TRAPPC9: variants seen among roughly 807,000 people sequenced by gnomAD.
The protein encoded by TRAPPC9 is IKK2 binding protein.
Under a neutral mutation model 124.0 loss-of-function variants are expected in TRAPPC9, and 83 were observed. The ratio of observed to expected loss-of-function variants is 0.67; its 90% CI spans 0.56 to 0.80. The LOEUF (loss-of-function observed/expected upper bound fraction) is 0.80, where lower values mean the gene tolerates loss of function less well. TRAPPC9 is among the 30% of genes least tolerant of loss of function. The pLI is 0.00. For synonymous variants in TRAPPC9, 638 were observed against 617.5 expected (o/e 1.03, Z -0.49); for missense variants, 1,302 against 1,508.3 (o/e 0.86, Z 2.27).
chr8:140,164,590 T>C (rs2061802030), intron 17 of TRAPPC9, among the ~76,000 whole-genome samples: 1 of 152,214 alleles, frequency 6.6e-6, no homozygotes, highest in African/African-American at 2.4e-5. Flanking sequence ...TCTGTGGCTG[T>C]CTTCTCCCCT....
Position 139,732,191 on chromosome 8 carries a change from C to A in TRAPPC9, c.3067G>T (p.Asp1023Tyr). ...LAPLQWDVLVDGQPCDREAVA... is the reference protein window; with the variant it reads ...LAPLQWDVLVYGQPCDREAVA... Reference sequence around the variant, plus strand: ...GCCTCGCGGTCACATGGCTGTCCGTCCACCAGCACATCTGTAAGGGACACG... The same window carrying A: ...GCCTCGCGGTCACATGGCTGTCCGTACACCAGCACATCTGTAAGGGACACG... The change falls in exon 22 of 23, where the codon GAC (aspartate) becomes TAC (tyrosine). Residue 1023 changes from aspartate (D) to tyrosine (Y), a missense_variant. By Grantham distance (160) the Asp-to-Tyr change is radical. Around this residue, in one of 3 missense-constraint regions of TRAPPC9, gnomAD observed 640 missense variants for 679.3 expected, o/e 0.94. Coordinates refer to ENST00000438773, the MANE Select transcript of TRAPPC9 (RefSeq NM_001160372.4). The A allele has an allele frequency of 6.3e-7, 1 of 1,591,386 alleles. No homozygotes were observed. The highest frequency in any genetic ancestry group is 8.5e-7 in the Non-Finnish European group (1 of 1,174,690).
At chr8:140,243,620 T>C (rs2063914168) in intron 16 of TRAPPC9, among the ~76,000 whole-genome samples, 1 of 152,120 alleles carries the variant, frequency 6.6e-6, no homozygotes, top group Non-Finnish European at 1.5e-5. Flanking sequence ...CTTCTCAAGA[T>C]ACAAAAGCAG....
chr8:140,458,330 G>C (rs2071777985), upstream of TRAPPC9: 2 of 1,579,744 alleles, frequency 1.3e-6, no homozygotes, highest in African/African-American at 2.7e-5. Context: ...GTGAAGCTCA[G>C]GGGTGGAGGC....
intron 8 of TRAPPC9, among the ~76,000 whole-genome samples, chr8:140,361,152 A>G (rs556494572): frequency 6.6e-6 from 1 of 152,392 alleles, no homozygotes; most frequent in East Asian, 1.9e-4. Flanking sequence ...ATAAATGCAC[A>G]TTCAAACTCT....
chr8:140,252,150 T>C lies in TRAPPC9; in HGVS notation c.2431+627A>G, dbSNP rs1563883791. The stretch of plus-strand genomic sequence containing the variant: ...AGCGATTCTCCTGCCCTCAGCCTCC[T>C]GAGTAGCTGGGATTACAGGCATGCG... On this transcript the variant is annotated intron_variant, in intron 16 of 22. Coordinates refer to ENST00000438773, the MANE Select transcript of TRAPPC9 (RefSeq NM_001160372.4). This position sits in a 1 kb window ranked among gnomAD's most constrained non-coding sequence, Gnocchi z 4.2. 6.6e-6 allele frequency among the ~76,000 whole-genome samples: 1 copy of C among 151,938 alleles called. No homozygotes were observed. Among genetic ancestry groups the C allele is most frequent in the Non-Finnish European group, 1.5e-5 (1 of 67,974 alleles).
intron 8 of TRAPPC9, among the ~76,000 whole-genome samples, chr8:140,363,784 G>C (rs892137716): frequency 2.0e-4 from 30 of 152,138 alleles, no homozygotes; most frequent in African/African-American, 7.0e-4. Flanking sequence ...TTTTAGTAGA[G>C]ACGGGGTTTC....
chr8:140,355,696 G>T (rs888495548), intron 9 of TRAPPC9, among the ~76,000 whole-genome samples: 1 of 152,230 alleles, frequency 6.6e-6, no homozygotes, highest in Non-Finnish European at 1.5e-5. Flanking sequence ...TCGTGACCAT[G>T]TGAGGGAGAC....
intron 16 of TRAPPC9, among the ~76,000 whole-genome samples, chr8:140,250,669 A>C (rs2064112290): frequency 6.6e-6 from 1 of 152,082 alleles, no homozygotes; most frequent in Non-Finnish European, 1.5e-5. Context: ...ATAAAACTTG[A>C]CCTGGTTTCC....
chr8:140,013,573 G>A (rs1047582337), intron 18 of TRAPPC9, among the ~76,000 whole-genome samples: 2 of 152,176 alleles, frequency 1.3e-5, no homozygotes, highest in Non-Finnish European at 2.9e-5. Flanking sequence ...GCTGACCATA[G>A]GTGAAAGGGA....
At chr8:140,116,180 A>AT (rs1251775200) in intron 17 of TRAPPC9, among the ~76,000 whole-genome samples, 1 of 152,028 alleles carries the variant, frequency 6.6e-6, no homozygotes, top group African/African-American at 2.4e-5. Flanking sequence ...AAGGGGGTAA[A>AT]TTTTTTATTC....
intron 9 of TRAPPC9, among the ~76,000 whole-genome samples, chr8:140,314,194 G>A (rs781468250): frequency 1.3e-5 from 2 of 152,134 alleles, no homozygotes; most frequent in Non-Finnish European, 2.9e-5. Context: ...TTTACTGAGT[G>A]GAAAACTATT....
upstream of TRAPPC9, among the ~76,000 whole-genome samples, chr8:140,457,924 G>A (rs530544569): frequency 4.9e-5 from 7 of 142,434 alleles, no homozygotes; most frequent in Non-Finnish European, 1.1e-4. Flanking sequence ...GGAGGGAGGA[G>A]GAGGAGGGAG....
intron 21 of TRAPPC9, among the ~76,000 whole-genome samples, chr8:139,851,727 T>C (rs1827478914): frequency 6.6e-6 from 1 of 152,316 alleles, no homozygotes; most frequent in Middle Eastern, 3.4e-3. Context: ...CATTTGATGA[T>C]CTTTGGAACA....
At chr8:139,928,133 A>G (rs1252795673) in intron 19 of TRAPPC9, among the ~76,000 whole-genome samples, 3 of 152,202 alleles carry the variant, frequency 2.0e-5, no homozygotes, top group South Asian at 4.1e-4. Flanking sequence ...GCCCTGTGAA[A>G]TATCTCCCCA....
intron 20 of TRAPPC9, among the ~76,000 whole-genome samples, chr8:139,902,828 G>A (rs535950264): frequency 2.0e-5 from 3 of 152,294 alleles, no homozygotes; most frequent in African/African-American, 7.2e-5. Flanking sequence ...TCAGCGGAAG[G>A]CAACTCCTCC....
intron 17 of TRAPPC9, among the ~76,000 whole-genome samples, chr8:140,214,422 A>C (rs1477696872): frequency 1.3e-5 from 2 of 152,212 alleles, no homozygotes; most frequent in Admixed American, 6.5e-5. Context: ...TGCCTAGTCC[A>C]GAGCTGCTCT....
intron 11 of TRAPPC9, among the ~76,000 whole-genome samples, chr8:140,296,985 G>A (rs113498661): frequency 6.6e-6 from 1 of 152,384 alleles, no homozygotes; most frequent in South Asian, 2.1e-4. Context: ...GGAGCCCTGA[G>A]GGTGGCCTGC....
At chr8:140,146,428 A>G (rs1303697114) in intron 17 of TRAPPC9, among the ~76,000 whole-genome samples, 1 of 152,116 alleles carries the variant, frequency 6.6e-6, no homozygotes, top group Non-Finnish European at 1.5e-5. Flanking sequence ...CCCACACTCA[A>G]CCTTGAGGAG....
chr8:140,302,495 G>A (rs780823760), intron 10 of TRAPPC9, among the ~76,000 whole-genome samples: 31 of 152,332 alleles, frequency 2.0e-4, no homozygotes, highest in Non-Finnish European at 3.2e-4. Context: ...CAAAGCAGAA[G>A]TCCAGGGATA....
Sources: allele counts gnomAD v4.1 joint callset (sites outside exome capture counted in the v4.1 genomes callset), GRCh38; gene constraint gnomAD v4.1.1; regional missense constraint gnomAD v4.1.1; non-coding constraint Gnocchi (gnomAD v3.1); transcripts MANE v1.5; gene names NCBI Gene and HGNC (gene_info 2026-07-23, HGNC 2026-07-21).